Variants in MFAP1 observed in about 807,000 individuals in gnomAD.
The protein encoded by MFAP1 is microfibril associated protein 1.
MFAP1 carries 18 observed loss-of-function variants against 62.2 expected under a neutral mutation model. The observed-to-expected ratio is 0.29, with a 90% CI of 0.20 to 0.43. The LOEUF (loss-of-function observed/expected upper bound fraction) is 0.43. MFAP1 is among the 20% of genes least tolerant of loss of function. The probability of loss-of-function intolerance (pLI) is 1.00; values close to 1 mark genes in which losing one functional copy is unlikely to be tolerated. For synonymous variants in MFAP1, 175 were observed against 180.4 expected (o/e 0.97, Z 0.24); for missense variants, 355 against 559.7 (o/e 0.63, Z 3.69).
intron 7 of MFAP1, among the ~76,000 whole-genome samples, chr15:43,807,119 G>C (rs1211934448): frequency 6.6e-6 from 1 of 151,864 alleles, no homozygotes; most frequent in Admixed American, 6.6e-5. Flanking sequence ...GGGATACTGA[G>C]GTGGGCACAT....
chr15:43,822,196 T>C (rs1596059699), intron 1 of MFAP1, among the ~76,000 whole-genome samples: 1 of 142,774 alleles, frequency 7.0e-6, no homozygotes, highest in Non-Finnish European at 1.5e-5. Context: ...GTGAAACTCT[T>C]TCTCAAAAAA....
At chr15:43,808,989 T>C (rs865869274) in intron 7 of MFAP1, among the ~76,000 whole-genome samples, 1 of 152,226 alleles carries the variant, frequency 6.6e-6, no homozygotes, top group Non-Finnish European at 1.5e-5. Flanking sequence ...TTAGTTACTC[T>C]TGGGTACTGT....
intron 1 of MFAP1, among the ~76,000 whole-genome samples, chr15:43,823,623 C>T (rs1214092655): frequency 6.6e-6 from 1 of 150,724 alleles, no homozygotes; most frequent in African/African-American, 2.4e-5. Context: ...GTGTTCAGCC[C>T]GCCTCAGCCT....
At chr15:43,807,903 C>T (rs148102157) in intron 7 of MFAP1, among the ~76,000 whole-genome samples, 16 of 152,224 alleles carry the variant, frequency 1.1e-4, no homozygotes, top group African/African-American at 3.6e-4. Flanking sequence ...AATCCCAGCA[C>T]TTTGGGAGGC....
chr15:43,808,902 T>C (rs191162761), intron 7 of MFAP1, among the ~76,000 whole-genome samples: 6 of 152,354 alleles, frequency 3.9e-5, no homozygotes, highest in Admixed American at 3.9e-4. Context: ...GATTGCTATT[T>C]TGATCTTAGT....
Position 43,815,048 on chromosome 15 carries a change from T to G in MFAP1, c.326A>C (p.Glu109Ala). The G allele has an allele frequency of 6.2e-7, 1 of 1,614,192 alleles. No homozygotes were observed. Among genetic ancestry groups the G allele is most frequent in the Non-Finnish European group, 8.5e-7 (1 of 1,180,032 alleles). ...ERLARHRKIVEPEVVGESDSE... is the reference protein window; with the variant it reads ...ERLARHRKIVAPEVVGESDSE... ...GTCACTCTCTCCTACCACTTCAGGT[T>G]CCACTATTTTTCGATGTCGAGCCAA... is the stretch of plus-strand genomic sequence containing the variant. The change falls in exon 3 of 9, where the codon GAA becomes GCA. Residue 109 changes from glutamate to alanine, a missense_variant. By Grantham distance (107) the Glu-to-Ala change is moderately radical (BLOSUM62 -1). Around this residue, in one of 6 missense-constraint regions of MFAP1, gnomAD observed 257 missense variants for 341.3 expected, o/e 0.75. Coordinates refer to ENST00000267812, the MANE Select transcript of MFAP1 (RefSeq NM_005926.3).
intron 4 of MFAP1, 143 bp from the exon 5 acceptor site, chr15:43,813,500 T>A: frequency 1.5e-5 from 8 of 517,834 alleles, no homozygotes; most frequent in Non-Finnish European, 2.6e-5. Flanking sequence ...CGCTGAGTCA[T>A]CCCAGGTCTT....
chr15:43,822,964 G>GA (rs2087475730), intron 1 of MFAP1, among the ~76,000 whole-genome samples: 1 of 150,834 alleles, frequency 6.6e-6, no homozygotes, highest in African/African-American at 2.4e-5. Flanking sequence ...TCAGCCTACC[G>GA]AGTAGCTGGG....
At chr15:43,813,414 C>G in intron 4 of MFAP1, 57 bp from the exon 5 acceptor site, 4 of 1,501,448 alleles carry the variant, frequency 2.7e-6, no homozygotes, top group Non-Finnish European at 3.6e-6. Context: ...GTGCTTTGTT[C>G]CCCTAGACCT....
Position 43,824,139 on chromosome 15 carries a change from CATAAT to C in MFAP1, c.79+347_79+351del, listed in dbSNP as rs540550424. ...GTAATTAGTGATATTATATTCTAAT[CATAAT>C]ATATATTAGACTAATACATATATTC... On this transcript the variant is annotated intron_variant, in intron 1 of 8. Coordinates refer to ENST00000267812, the MANE Select transcript of MFAP1 (RefSeq NM_005926.3). Among the ~76,000 whole-genome samples, 20 of 151,000 alleles carry C rather than the reference CATAAT, an allele frequency of 1.3e-4. 1 individual carries two copies. The South Asian group carries it at 1.9e-3, about 14-fold the overall frequency.
At chr15:43,806,572 A>G (rs2087367068) in intron 7 of MFAP1, among the ~76,000 whole-genome samples, 1 of 152,226 alleles carries the variant, frequency 6.6e-6, no homozygotes, top group Non-Finnish European at 1.5e-5. Context: ...ATGGTTGTCT[A>G]TTAAATGAAT....
chr15:43,822,089 T>C (rs1336361715), intron 1 of MFAP1, among the ~76,000 whole-genome samples: 2 of 151,504 alleles, frequency 1.3e-5, no homozygotes, highest in Non-Finnish European at 2.9e-5. Context: ...CTAGAGAGCT[T>C]ATTAGACACA....
At chr15:43,821,769 G>A (rs1307262066) in intron 1 of MFAP1, among the ~76,000 whole-genome samples, 3 of 152,174 alleles carry the variant, frequency 2.0e-5, no homozygotes, top group South Asian at 2.1e-4. Context: ...TTGTATAAGT[G>A]TGTATTCAAC....
chr15:43,815,522 GAAACT>G (rs1431201839), intron 2 of MFAP1, among the ~76,000 whole-genome samples: 1 of 152,038 alleles, frequency 6.6e-6, no homozygotes, highest in African/African-American at 2.4e-5. Context: ...GCAGATTAAA[GAAACT>G]AAACTAGGAT....
intron 7 of MFAP1, 148 bp from the exon 8 acceptor site, chr15:43,805,613 AT>A: frequency 1.6e-6 from 1 of 631,662 alleles, no homozygotes; most frequent in African/African-American, 1.9e-5. Context: ...AAGAGATGAC[AT>A]TCTTTTTTTT....
At chr15:43,822,348 A>G (rs2087471676) in intron 1 of MFAP1, among the ~76,000 whole-genome samples, 1 of 152,298 alleles carries the variant, frequency 6.6e-6, no homozygotes. Flanking sequence ...TATATGGGAA[A>G]TAAAGCTCTT....
rs1229546073 is a variant in MFAP1 at position 43,824,662 on chromosome 15, G to A, written c.-93C>T. ...CGAAGAGAAGAAATTCCTTCCACCT[G>A]AGTCCGCGAACACAGCTGCGCGACT... is the stretch of plus-strand genomic sequence containing the variant. On this transcript the variant is annotated 5_prime_UTR_variant, in exon 1 of 9. Transcript: ENST00000267812. The A allele has an allele frequency of 5.3e-6, 7 of 1,330,136 alleles. No homozygotes were observed. The highest frequency in any genetic ancestry group is 2.4e-5 in the East Asian group (1 of 42,528). 82.4% of individuals were successfully genotyped at this position (1,330,136 alleles called of 1,614,324 possible). A position where few individuals can be genotyped will look rare whatever the true frequency, so the allele number is the denominator to read the frequency against.
intron 3 of MFAP1, 122 bp from the exon 4 acceptor site, chr15:43,814,810 A>C: frequency 6.8e-7 from 1 of 1,480,136 alleles, no homozygotes; most frequent in Non-Finnish European, 9.2e-7. Flanking sequence ...TTTTAATCCT[A>C]TCCCCACAAA....
chr15:43,805,370 C>T lies in MFAP1; in HGVS notation c.1137+6G>A. The T allele has an allele frequency of 6.2e-7, 1 of 1,610,376 alleles. No homozygotes were observed. Among genetic ancestry groups the T allele is most frequent in the Non-Finnish European group, 8.5e-7 (1 of 1,178,920 alleles). On this transcript the variant is annotated splice_donor_region_variant and intron_variant, in intron 8 of 8. Coordinates refer to ENST00000267812, the MANE Select transcript of MFAP1 (RefSeq NM_005926.3). ...TTCTCTGTCATGTTATTAAGGTTCC[C>T]CATACCTGCATGACTTTAGGAAGAA...
Sources: gnomAD v4.1 joint callset for allele counts (sites outside exome capture counted in the v4.1 genomes callset) on GRCh38, gnomAD v4.1.1 for gene constraint, gnomAD v4.1.1 regional missense constraint, MANE v1.5 for transcripts, NCBI Gene and HGNC (gene_info 2026-07-23, HGNC 2026-07-21) for gene names.